Variants in RRN3 observed in about 807,000 individuals in gnomAD.
The protein encoded by RRN3 is RNA polymerase I-specific transcription initiation factor RRN3.
A neutral mutation model predicts 82.3 loss-of-function variants in RRN3; 38 were observed. The ratio of observed to expected loss-of-function variants is 0.46; its 90% CI spans 0.36 to 0.61. RRN3 has a LOEUF of 0.61. Ranked by LOEUF, RRN3 falls within the 20% of genes least tolerant of loss-of-function variation. The pLI is 0.00. For synonymous variants in RRN3, 284 were observed against 284.3 expected, an observed-to-expected ratio of 1.00 and a Z score of 0.01; for missense variants, 726 against 793.1, an observed-to-expected ratio of 0.92 and a Z score of 1.02.
At chr16:15,073,148 T>C in intron 11 of RRN3, 68 bp from the exon 12 acceptor site, 1 of 1,523,980 alleles carries the variant, frequency 6.6e-7, no homozygotes, top group East Asian at 2.3e-5. Context: ...GCCATATTTT[T>C]TATAAACACA....
chr16:15,085,495 T>A, intron 6 of RRN3, 144 bp downstream of exon 6: 6 of 984,764 alleles, frequency 6.1e-6, no homozygotes, highest in Non-Finnish European at 8.9e-6. Flanking sequence ...AAAAATGTTT[T>A]TTTGCAGAGA....
chr16:15,071,345 A>G (rs2045218874), intron 12 of RRN3, 94 bp from the exon 13 acceptor site: 1 of 1,179,436 alleles, frequency 8.5e-7, no homozygotes. Flanking sequence ...CAATGTAGGG[A>G]AAAGTTCTAC....
chr16:15,060,125 T>C lies in RRN3; in HGVS notation c.*1619A>G. 5.8e-6 allele frequency: 2 copies of C among 344,626 alleles called. No individual in the cohort carries two copies. 21.3% of individuals were successfully genotyped at this position (344,626 alleles called of 1,614,324 possible). A position where few individuals can be genotyped will look rare whatever the true frequency, so the allele number is the denominator to read the frequency against. On this transcript the variant is annotated 3_prime_UTR_variant, in exon 18 of 18. Coordinates refer to ENST00000198767, the MANE Select transcript of RRN3 (RefSeq NM_018427.5). The stretch of plus-strand genomic sequence containing the variant: ...TCACCATGGATTTTTTTTCACAAAC[T>C]CCTTTGAAATTAAACAGACTTATAT...
Position 15,083,402 on chromosome 16 carries a change from A to G in RRN3, c.666+111T>C, listed in dbSNP as rs2045784577. The G allele has an allele frequency of 4.0e-6, 6 of 1,486,966 alleles. No individual in the cohort carries two copies. In the East Asian group the frequency reaches 1.2e-4, roughly 30 times the overall value. 92.1% of individuals were successfully genotyped at this position (1,486,966 alleles called of 1,614,324 possible). A position where few individuals can be genotyped will look rare whatever the true frequency, so the allele number is the denominator to read the frequency against. On this transcript the variant is annotated intron_variant, in intron 8 of 17. Transcript: ENST00000198767. The stretch of plus-strand genomic sequence containing the variant: ...CGACAGAGTGAGACTCGGTCTCAAA[A>G]AAGAAAAAGAAAAAGAAAGACTGGA...
At chr16:15,069,183 A>C (rs2045113292) in intron 14 of RRN3, among the ~76,000 whole-genome samples, 1 of 152,190 alleles carries the variant, frequency 6.6e-6, no homozygotes. Context: ...CGCAGAGGAC[A>C]CCTGGCAGTA....
intron 15 of RRN3, among the ~76,000 whole-genome samples, chr16:15,067,075 C>T (rs930885352): frequency 3.5e-5 from 5 of 144,582 alleles, no homozygotes; most frequent in Non-Finnish European, 7.7e-5. Context: ...CACTCACTGC[C>T]GTTGCTTATT....
In RRN3 at chr16:15,065,242, G is replaced by A; in HGVS notation, c.1683C>T (p.Pro561=). The A allele has an allele frequency of 1.9e-6, 3 of 1,613,700 alleles. No homozygotes were observed. The highest frequency in any genetic ancestry group is 2.5e-6 in the Non-Finnish European group (3 of 1,179,722). The part of the protein sequence containing the change: ...ICTNPLDTFF[P]FDPCVLKRSK... The stretch of plus-strand genomic sequence containing the variant: ...ACCTCTTCAGCACACAGGGATCAAA[G>A]GGGAAGAAGGTGTCCAGCGGGTTTG... Residue 561 remains proline, a synonymous_variant, in exon 16 of 18, where the codon CCC becomes CCT. Transcript: ENST00000198767.
chr16:15,063,504 C>G (rs576838988), intron 16 of RRN3, among the ~76,000 whole-genome samples: 3 of 151,862 alleles, frequency 2.0e-5, no homozygotes. Context: ...GTCAGGAGAT[C>G]GAGACCATCC....
upstream of RRN3, chr16:15,094,300 G>C (rs1349844069): frequency 3.7e-6 from 5 of 1,356,666 alleles, no homozygotes; most frequent in South Asian, 1.3e-5. Flanking sequence ...CACAGCCTCT[G>C]TCCCGGAAGT....
Position 15,083,652 on chromosome 16 carries a change from C to T in RRN3, c.597-70G>A. 6 of 1,567,206 alleles carry T rather than the reference C, an allele frequency of 3.8e-6. No individual in the cohort carries two copies. The South Asian group carries it at 7.0e-5, about 18-fold the overall frequency. On this transcript the variant is annotated intron_variant, in intron 7 of 17. Transcript: ENST00000198767. ...AGAAAAGGAATAAAAAGGAAAACTA[C>T]CATTCTAAAAGCAAATATTGATAGA...
intron 10 of RRN3, among the ~76,000 whole-genome samples, chr16:15,075,234 A>G (rs1226767900): frequency 6.6e-6 from 1 of 150,388 alleles, no homozygotes; most frequent in Non-Finnish European, 1.5e-5. Context: ...CAACAGAGGA[A>G]GACTCTGTGC....
intron 1 of RRN3, among the ~76,000 whole-genome samples, chr16:15,093,461 C>G (rs908857783): frequency 6.6e-6 from 1 of 152,144 alleles, no homozygotes; most frequent in African/African-American, 2.4e-5. Context: ...TACTGCCTTT[C>G]CCCCCTATGC....
rs936950654 is a variant in RRN3, at chr16:15,091,380, G to A, written c.196-9C>T. 1.3e-6 allele frequency: 2 copies of A among 1,569,502 alleles called. No individual in the cohort carries two copies. The highest frequency in any genetic ancestry group is 1.1e-5 in the South Asian group (1 of 88,302). On this transcript the variant is annotated splice_polypyrimidine_tract_variant and intron_variant, in intron 2 of 17. Transcript: ENST00000198767. ...AAGTCATTTGTTTCACCCTTAACAA[G>A]AAGGGGAAAGAATTAAGTTATGCTT...
chr16:15,066,886 C>T (rs2045002778), intron 15 of RRN3, among the ~76,000 whole-genome samples: 1 of 152,092 alleles, frequency 6.6e-6, no homozygotes, highest in African/African-American at 2.4e-5. Flanking sequence ...GCATCACACT[C>T]TGTGCCTCCA....
intron 12 of RRN3, 103 bp from the exon 13 acceptor site, chr16:15,071,354 A>G: frequency 9.3e-7 from 1 of 1,076,574 alleles, no homozygotes; most frequent in East Asian, 2.4e-5. Flanking sequence ...GAAAAGTTCT[A>G]CTATCTCATA....
In RRN3 at chr16:15,065,161, G is replaced by A. The variant is rs558239721; in HGVS notation, c.1706+58C>T. 561 of 1,486,706 alleles carry A rather than the reference G, an allele frequency of 3.8e-4. 9 individuals are homozygous for A. In the Admixed American group the frequency reaches 8.6e-3, roughly 23 times the overall value. 92.1% of individuals were successfully genotyped at this position (1,486,706 alleles called of 1,614,324 possible). ...AGCCTGGGCGACAGAGTGAGACTCC[G>A]TCTCAAAAAAAAAAAAAAAATCCAC... is the stretch of plus-strand genomic sequence containing the variant. On this transcript the variant is annotated intron_variant, in intron 16 of 17. Transcript: ENST00000198767.
At chr16:15,066,420 C>T (rs896104070) in intron 15 of RRN3, among the ~76,000 whole-genome samples, 4 of 152,016 alleles carry the variant, frequency 2.6e-5, no homozygotes, top group African/African-American at 9.7e-5. Flanking sequence ...TTCACTTGAG[C>T]TCAGGAGTTT....
rs755688222 is a variant in RRN3, at chr16:15,061,748, AGGGGACTGGGTTGCATGTACAACACGGGT to A, written c.1923_1951del (p.Pro642LeufsTer8). On this transcript the variant is annotated frameshift_variant, in exon 18 of 18. Coordinates refer to ENST00000198767, the MANE Select transcript of RRN3 (RefSeq NM_018427.5). LOFTEE classifies it high-confidence loss of function. The stretch of plus-strand genomic sequence containing the variant: ...CTCAGTCACAAATTTCTGCCGTCAG[AGGGGACTGGGTTGCATGTACAACACGGGT>A]GGGGAGCCCACACTACTTGAAGGAC... 3 of 1,606,818 alleles carry A rather than the reference AGGGGACTGGGTTGCATGTACAACACGGGT, an allele frequency of 1.9e-6. No individual in the cohort carries two copies. Among genetic ancestry groups the A allele is most frequent in the Non-Finnish European group, 2.6e-6 (3 of 1,174,008 alleles).
intron 12 of RRN3, among the ~76,000 whole-genome samples, chr16:15,071,597 G>C (rs1269657205): frequency 2.0e-5 from 3 of 151,778 alleles, no homozygotes; most frequent in Admixed American, 6.6e-5. Context: ...GAGAAACCCT[G>C]TCTCTACTAA....
Sources: gnomAD v4.1 joint callset for allele counts (sites outside exome capture counted in the v4.1 genomes callset) on GRCh38, gnomAD v4.1.1 for gene constraint, MANE v1.5 for transcripts, NCBI Gene and HGNC (gene_info 2026-07-23, HGNC 2026-07-21) for gene names.